Variants in TTC34 observed in about 807,000 individuals in gnomAD.
The protein encoded by TTC34 is tetratricopeptide repeat domain 34.
A neutral mutation model predicts 40.7 loss-of-function variants in TTC34; 44 were observed. The observed-to-expected ratio is 1.08, with a 90% confidence interval of 0.85 to 1.39. TTC34 has a LOEUF of 1.39. Ranked by LOEUF, TTC34 falls within the 40% of genes most tolerant of loss-of-function variation. The pLI, the probability that TTC34 is intolerant of heterozygous loss-of-function variation, is 0.00. For synonymous variants in TTC34, 422 were observed against 398.6 expected (o/e 1.06, Z -0.70); for missense variants, 884 against 838.0 (o/e 1.05, Z -0.68).
At chr1:2,641,479 C>G in exon 9 of TTC34, 1 of 1,535,722 alleles carries the variant, frequency 6.5e-7, no homozygotes, top group Non-Finnish European at 8.7e-7. Flanking sequence ...CCGTCCAGGC[C>G]TCTGCGTGAC....
At chr1:2,683,718 A>G (rs1393298269) in intron 6 of TTC34, among the ~76,000 whole-genome samples, 10 of 149,478 alleles carry the variant, frequency 6.7e-5, no homozygotes, top group Non-Finnish European at 1.3e-4. Context: ...CCACACCCCC[A>G]GGTGAGCAGC....
rs1464070434 is a variant in TTC34, at chr1:2,761,098, G to T, written c.2226+22511C>A. 3.6e-5 allele frequency among the ~76,000 whole-genome samples: 2 copies of T among 55,258 alleles called. 1 individual carries two copies. The highest frequency in any genetic ancestry group is 5.9e-5 in the Non-Finnish European group (2 of 34,048). 36.3% of individuals were successfully genotyped at this position (55,258 alleles called of 152,430 possible). ...AGCATCCTCACCCCAGGTGAGCATC[G>T]GACATCCTGGAGCATCACATACTCC... On this transcript the variant is annotated intron_variant, in intron 6 of 8. Coordinates refer to ENST00000401095, the Ensembl canonical transcript of TTC34.
intron 6 of TTC34, among the ~76,000 whole-genome samples, chr1:2,686,555 C>CCCT (rs1640358539): frequency 6.9e-6 from 1 of 145,692 alleles, no homozygotes; most frequent in Non-Finnish European, 1.5e-5. Flanking sequence ...TGGAACAGCA[C>CCCT]GCACACACCC....
chr1:2,690,605 G>A (rs1245048608), intron 6 of TTC34, among the ~76,000 whole-genome samples: 7 of 140,930 alleles, frequency 5.0e-5, no homozygotes, highest in Non-Finnish European at 6.2e-5. Context: ...TGACATCCTG[G>A]AGCAACACTG....
chr1:2,698,547 A>T (rs1288683554), intron 6 of TTC34, among the ~76,000 whole-genome samples: 1 of 116,460 alleles, frequency 8.6e-6, no homozygotes, highest in African/African-American at 3.3e-5. Context: ...AGCATCGGGC[A>T]GCCTGGAGCA....
chr1:2,641,331 G>A lies in TTC34; in HGVS notation c.*37C>T, dbSNP rs759553712. On this transcript the variant is annotated 3_prime_UTR_variant, in exon 9 of 9. Transcript: ENST00000401095. Reference sequence around the variant, plus strand: ...GGACATCAGGTGCAGATGCTAGGGTGGCCCCGTGATTAGGGCTGGGAGAGG... The same window carrying A: ...GGACATCAGGTGCAGATGCTAGGGTAGCCCCGTGATTAGGGCTGGGAGAGG... The A allele has an allele frequency of 2.3e-4, 336 of 1,457,508 alleles. 2 individuals are homozygous for A. The South Asian group carries it at 4.3e-3, about 19-fold the overall frequency. 90.3% of individuals were successfully genotyped at this position (1,457,508 alleles called of 1,614,324 possible).
At chr1:2,800,400 C>T (rs890556846) in exon 2 of TTC34, 7 of 398,364 alleles carry the variant, frequency 1.8e-5, no homozygotes, top group South Asian at 1.3e-4. Flanking sequence ...GGCGAGGGCG[C>T]GGGTCAGCCG....
At chr1:2,782,239 G>T (rs1643494965) in intron 6 of TTC34, among the ~76,000 whole-genome samples, 1 of 152,072 alleles carries the variant, frequency 6.6e-6, no homozygotes, top group Non-Finnish European at 1.5e-5. Context: ...TAGGTTTTGT[G>T]TTTCTAGGGA....
exon 6 of TTC34, chr1:2,783,696 G>A (rs1643526162): frequency 6.5e-7 from 1 of 1,545,900 alleles, no homozygotes; most frequent in African/African-American, 1.4e-5. Context: ...CTGTGTTGAA[G>A]TCGAACATGG....
intron 6 of TTC34, among the ~76,000 whole-genome samples, chr1:2,767,449 T>G (rs1641802789): frequency 6.8e-6 from 1 of 146,230 alleles, no homozygotes; most frequent in Non-Finnish European, 1.5e-5. Flanking sequence ...CACCTCCAGG[T>G]GAGCATCCGA....
intron 6 of TTC34, among the ~76,000 whole-genome samples, chr1:2,655,689 CT>C (rs1158538163): frequency 9.7e-5 from 11 of 113,460 alleles, no homozygotes; most frequent in East Asian, 5.2e-4. Flanking sequence ...GAACAGCACC[CT>C]GCACCCCCAG....
exon 9 of TTC34, chr1:2,641,402 C>A: frequency 1.3e-6 from 2 of 1,527,404 alleles, no homozygotes; most frequent in Non-Finnish European, 1.8e-6. Flanking sequence ...TGCCTCCCTC[C>A]GGATTCTGGC....
intron 6 of TTC34, among the ~76,000 whole-genome samples, chr1:2,681,807 T>C (rs1465431835): frequency 3.9e-5 from 3 of 76,672 alleles, no homozygotes; most frequent in Non-Finnish European, 6.1e-5. Context: ...ATCTGATGGT[T>C]TGCGGCAACA....
intron 8 of TTC34, among the ~76,000 whole-genome samples, chr1:2,642,658 G>A (rs1638931700): frequency 6.6e-6 from 1 of 152,254 alleles, no homozygotes; most frequent in African/African-American, 2.4e-5. Context: ...GTTCCCCGCT[G>A]CCTGAGGAAC....
At chr1:2,646,134 A>G (rs868141113) in intron 6 of TTC34, among the ~76,000 whole-genome samples, 1 of 152,116 alleles carries the variant, frequency 6.6e-6, no homozygotes, top group Admixed American at 6.5e-5. Flanking sequence ...GCCTGGCCCT[A>G]ACTATGCCTC....
In TTC34 at chr1:2,786,063, C is replaced by G. The variant is rs542303414; in HGVS notation, c.1855-40G>C. The G allele has an allele frequency of 4.2e-6, 6 of 1,415,854 alleles. No individual in the cohort carries two copies. In the South Asian group the frequency reaches 7.7e-5, roughly 18 times the overall value. 87.7% of individuals were successfully genotyped at this position (1,415,854 alleles called of 1,614,324 possible). ...CAGTCACTGCCCATGCCCTTGGGAC[C>G]GATGCCCTGGAGCCCACCCTGTACT... On this transcript the variant is annotated intron_variant, in intron 4 of 8. Coordinates refer to ENST00000401095, the Ensembl canonical transcript of TTC34.
intron 6 of TTC34, among the ~76,000 whole-genome samples, chr1:2,647,549 G>C (rs1404257183): frequency 6.6e-6 from 1 of 152,220 alleles, no homozygotes; most frequent in Non-Finnish European, 1.5e-5. Flanking sequence ...CAGGAGAATT[G>C]GTTGATCCCA....
chr1:2,787,120 A>G (rs1012239971), intron 4 of TTC34, among the ~76,000 whole-genome samples: 1 of 152,178 alleles, frequency 6.6e-6, no homozygotes, highest in Non-Finnish European at 1.5e-5. Flanking sequence ...GTTGCATCCA[A>G]GCCTGGTTTA....
intron 6 of TTC34, among the ~76,000 whole-genome samples, chr1:2,691,791 C>G (rs1390497332): frequency 1.3e-5 from 1 of 74,840 alleles, no homozygotes; most frequent in Non-Finnish European, 3.0e-5. Flanking sequence ...CACCCCCAGG[C>G]GAGCATCCGA....
Sources: gnomAD v4.1 joint callset for allele counts (sites outside exome capture counted in the v4.1 genomes callset) on GRCh38, gnomAD v4.1.1 for gene constraint, MANE v1.5 for transcripts, NCBI Gene and HGNC (gene_info 2026-07-23, HGNC 2026-07-21) for gene names.